RTF1: variants seen among roughly 807,000 people sequenced by gnomAD.
RTF1 encodes RNA polymerase-associated protein RTF1 homolog.
A neutral mutation model predicts 95.7 loss-of-function variants in RTF1; 10 were observed. That is an observed-to-expected ratio of 0.10 (90% CI 0.06 to 0.18). The LOEUF is 0.18. Ranked by LOEUF, RTF1 falls within the 10% of genes least tolerant of loss-of-function variation. The pLI is 1.00. For missense variants in RTF1, 458 were observed against 875.6 expected, an observed-to-expected ratio of 0.52 and a Z score of 6.02; for synonymous variants, 305 against 311.8, an observed-to-expected ratio of 0.98 and a Z score of 0.23.
chr15:41,475,720 T>G lies in RTF1; in HGVS notation c.1383T>G (p.Ser461=), dbSNP rs766220059. The G allele has an allele frequency of 6.2e-6, 10 of 1,609,816 alleles. No individual in the cohort carries two copies. The highest frequency in any genetic ancestry group is 7.7e-6 in the Non-Finnish European group (9 of 1,176,416). ...TCGTGTTTTTGATCCAGATGTTCTCTGCTGGCATGCAGTTGCCCACTCTAG... is the reference window on the plus strand; with the variant it reads ...TCGTGTTTTTGATCCAGATGTTCTCGGCTGGCATGCAGTTGCCCACTCTAG... ...EFMKWKEAMF[S]AGMQLPTLDE... Residue 461 remains serine (S), a synonymous_variant, in exon 11 of 18, where the codon TCT becomes TCG. Coordinates refer to ENST00000389629, the MANE Select transcript of RTF1 (RefSeq NM_015138.5).
chr15:41,480,512 A>G, intron 17 of RTF1, 69 bp from the exon 18 acceptor site: 1 of 1,183,742 alleles, frequency 8.4e-7, no homozygotes, highest in Non-Finnish European at 1.3e-6. Context: ...GGCTGCCTGC[A>G]GGAGTGTAGC....
At chr15:41,476,970 C>A (rs1399862252) in intron 12 of RTF1, among the ~76,000 whole-genome samples, 195 bp from the exon 13 acceptor site, 1 of 152,220 alleles carries the variant, frequency 6.6e-6, no homozygotes, top group African/African-American at 2.4e-5. Flanking sequence ...GGAAGGTGTT[C>A]CCCACTGTAC....
rs2050989457 is a variant in RTF1 at position 41,483,505 on chromosome 15, C to A, written c.*2818C>A. On this transcript the variant is annotated 3_prime_UTR_variant, in exon 18 of 18. Coordinates refer to ENST00000389629, the MANE Select transcript of RTF1 (RefSeq NM_015138.5). ...TGTTTTTGCTTTTGTGAAGTCCTGA[C>A]TTGCCACTCAAACTGTACCAATATT... 1 of 152,646 alleles carries A rather than the reference C, an allele frequency of 6.6e-6. No homozygotes were observed. The highest frequency in any genetic ancestry group is 1.9e-4 in the East Asian group (1 of 5,202). The allele number at this position is 152,646 out of a possible 1,614,324, so 9.5% of individuals were successfully genotyped here. A position where few individuals can be genotyped will look rare whatever the true frequency, so the allele number is the denominator to read the frequency against.
chr15:41,421,071 C>T (rs1393362637), intron 1 of RTF1, among the ~76,000 whole-genome samples: 2 of 152,068 alleles, frequency 1.3e-5, no homozygotes, highest in Admixed American at 6.6e-5. Context: ...CCTGTAATCT[C>T]AGCACTTTGG....
chr15:41,440,377 A>T (rs2050727185), intron 2 of RTF1: 2 of 151,556 alleles, frequency 1.3e-5, no homozygotes, highest in African/African-American at 4.8e-5. Flanking sequence ...TTTAGTAGAG[A>T]TGGGGTTTCA....
In RTF1 at chr15:41,424,990, G is replaced by C. The variant is rs557122975; in HGVS notation, c.198+7677G>C. ...CCACTGTATTAGCCTGGGTGACAGA[G>C]AGACTCCGTCTAAAAAAAACAAAAG... is the stretch of plus-strand genomic sequence containing the variant. On this transcript the variant is annotated intron_variant, in intron 1 of 17. Coordinates refer to ENST00000389629, the MANE Select transcript of RTF1 (RefSeq NM_015138.5). Among the ~76,000 whole-genome samples, 3 of 151,970 alleles carry C rather than the reference G, an allele frequency of 2.0e-5. No individual in the cohort carries two copies. In the East Asian group the frequency reaches 5.8e-4, roughly 30 times the overall value.
At chr15:41,420,436 G>A (rs2050594764) in intron 1 of RTF1, among the ~76,000 whole-genome samples, 2 of 152,108 alleles carry the variant, frequency 1.3e-5, no homozygotes, top group Admixed American at 6.6e-5. Flanking sequence ...CTGCTTGGGG[G>A]TCTTTAGGAA....
chr15:41,429,312 A>G (rs2050656495), intron 1 of RTF1, among the ~76,000 whole-genome samples: 1 of 152,040 alleles, frequency 6.6e-6, no homozygotes, highest in African/African-American at 2.4e-5. Context: ...CATCTCGTAG[A>G]TCCTTCCACT....
intron 2 of RTF1, among the ~76,000 whole-genome samples, chr15:41,439,031 A>T (rs910600513): frequency 0.017 from 1,064 of 62,778 alleles, no homozygotes; most frequent in Middle Eastern, 0.021. Flanking sequence ...TTTTTCTTTT[A>T]TTTTCTTTTT....
Position 41,475,780 on chromosome 15 carries a change from A to C in RTF1, c.1443A>C (p.Glu481Asp). 6.2e-7 allele frequency: 1 copy of C among 1,604,890 alleles called. No homozygotes were observed. Among genetic ancestry groups the C allele is most frequent in the East Asian group, 2.2e-5 (1 of 44,852 alleles). The change falls in exon 11 of 18, where the codon GAA becomes GAC. Residue 481 changes from glutamate (E) to aspartate (D), a missense_variant. Physicochemically the swap from Glu to Asp is conservative, Grantham distance 45. Around this residue, in one of 11 missense-constraint regions of RTF1, gnomAD observed 150 missense variants for 275.7 expected, o/e 0.54. Coordinates refer to ENST00000389629, the MANE Select transcript of RTF1 (RefSeq NM_015138.5). Reference protein sequence around the residue: ...EINKKELSIKEALNYKFNDQD... With the variant: ...EINKKELSIKDALNYKFNDQD... ...ATAAAAAGGAATTATCTATTAAAGA[A>C]GCTCTTAATTATAAATTCAATGATC...
chr15:41,466,035 C>G (rs147202902), intron 5 of RTF1, 106 bp from the exon 6 acceptor site: 9 of 658,026 alleles, frequency 1.4e-5, no homozygotes, highest in Admixed American at 3.8e-5. Context: ...TAAGTTTTTG[C>G]AGCCCATATA....
intron 4 of RTF1, among the ~76,000 whole-genome samples, chr15:41,463,988 A>G (rs996184631): frequency 4.6e-5 from 7 of 151,456 alleles, no homozygotes; most frequent in African/African-American, 1.7e-4. Context: ...AGTAGCTGGG[A>G]TTACAGGCAC....
intron 12 of RTF1, among the ~76,000 whole-genome samples, chr15:41,476,903 C>A (rs760612811): frequency 1.1e-4 from 17 of 152,224 alleles, no homozygotes; most frequent in Non-Finnish European, 2.5e-4. Flanking sequence ...GGTTTAGCCA[C>A]CCTGTGAGGC....
At chr15:41,450,797 A>T (rs1193849595) in intron 2 of RTF1, among the ~76,000 whole-genome samples, 4 of 151,740 alleles carry the variant, frequency 2.6e-5, no homozygotes, top group Admixed American at 2.6e-4. Flanking sequence ...AAAAAAATTT[A>T]AAAATTAGCT....
intron 7 of RTF1, 92 bp downstream of exon 7, chr15:41,470,484 C>A: frequency 7.4e-7 from 1 of 1,346,318 alleles, no homozygotes; most frequent in Non-Finnish European, 1.0e-6. Flanking sequence ...CTGGTTGGGC[C>A]ACTAACTCTG....
At chr15:41,479,069 A>G (rs1425874618) in intron 15 of RTF1, 34 bp from the exon 16 acceptor site, 1 of 1,487,056 alleles carries the variant, frequency 6.7e-7, no homozygotes, top group Non-Finnish European at 9.4e-7. Flanking sequence ...GTGAGTGTCA[A>G]GCAATCTCTA....
At chr15:41,476,043 G>C (rs2050940407) in intron 11 of RTF1, among the ~76,000 whole-genome samples, 1 of 152,212 alleles carries the variant, frequency 6.6e-6, no homozygotes, top group South Asian at 2.1e-4. Flanking sequence ...GAGTTCAGAT[G>C]AGACAACAAA....
intron 2 of RTF1, among the ~76,000 whole-genome samples, chr15:41,442,758 C>T (rs1333609224): frequency 2.0e-5 from 3 of 151,970 alleles, no homozygotes; most frequent in East Asian, 1.9e-4. Flanking sequence ...TAGTAGTGGG[C>T]ACCTGTAGTC....
chr15:41,440,214 T>C (rs2050726044), intron 2 of RTF1: 1 of 142,918 alleles, frequency 7.0e-6, no homozygotes. Flanking sequence ...TTCTTGAGAC[T>C]GCGTCTCACT....
Sources: allele counts gnomAD v4.1 joint callset (sites outside exome capture counted in the v4.1 genomes callset), GRCh38; gene constraint gnomAD v4.1.1; regional missense constraint gnomAD v4.1.1; transcripts MANE v1.5; gene names NCBI Gene and HGNC (gene_info 2026-07-23, HGNC 2026-07-21).